PTPRD: variants seen among roughly 807,000 people sequenced by gnomAD.
PTPRD encodes protein tyrosine phosphatase receptor type D.
A neutral mutation model predicts 214.5 loss-of-function variants in PTPRD; 34 were observed. That is an observed-to-expected ratio of 0.16 (90% CI 0.12 to 0.21). The LOEUF is 0.21. Among genes scored for constraint, PTPRD ranks in the 10% least tolerant of loss-of-function variants. PTPRD has a pLI of 1.00. For missense variants in PTPRD, 2,545 were observed against 2,398.7 expected (o/e 1.06, Z -1.27); for synonymous variants, 1,128 against 845.7 (o/e 1.33, Z -5.79).
chr9:9,281,838 AC>A (rs199670239), intron 9 of PTPRD, among the ~76,000 whole-genome samples: 1 of 151,120 alleles, frequency 6.6e-6, no homozygotes, highest in Admixed American at 6.6e-5. Flanking sequence ...CAAAAAAAAA[AC>A]TTGAAAGCAA....
intron 34 of PTPRD, 40 bp downstream of exon 34, chr9:8,449,685 G>C (rs766939506): frequency 6.3e-7 from 1 of 1,577,806 alleles, no homozygotes; most frequent in East Asian, 2.2e-5. Flanking sequence ...ACAACTTCTG[G>C]GAAAGACTGT....
chr9:8,460,693 T>A, intron 32 of PTPRD, 122 bp from the exon 33 acceptor site: 2 of 946,074 alleles, frequency 2.1e-6, no homozygotes, highest in Non-Finnish European at 3.1e-6. Flanking sequence ...TGTGATGCAA[T>A]ATTAGCAAAA....
At chr9:10,416,708 C>T (rs149650907) in intron 2 of PTPRD, among the ~76,000 whole-genome samples, 80 of 151,320 alleles carry the variant, frequency 5.3e-4, no homozygotes, top group African/African-American at 1.4e-3. Flanking sequence ...TATCTAGTAC[C>T]GTAATAGAGA....
chr9:9,591,496 C>T (rs1183359189), intron 7 of PTPRD, among the ~76,000 whole-genome samples: 1 of 152,028 alleles, frequency 6.6e-6, no homozygotes, highest in African/African-American at 2.4e-5. Context: ...AGTTGAGCTG[C>T]ACTGCATCTG....
At chr9:9,736,226 T>C (rs1443584286) in intron 6 of PTPRD, among the ~76,000 whole-genome samples, 1 of 152,110 alleles carries the variant, frequency 6.6e-6, no homozygotes, top group Non-Finnish European at 1.5e-5. Flanking sequence ...AGTATCTGGA[T>C]TTTTTGTCCA....
chr9:10,331,967 A>G (rs749634), intron 3 of PTPRD, among the ~76,000 whole-genome samples: 4,436 of 151,958 alleles, frequency 0.029, 288 homozygotes, highest in Admixed American at 0.16. Context: ...AGAAGGATAT[A>G]TCGAATCACA....
At chr9:9,924,249 T>C in intron 5 of PTPRD, among the ~76,000 whole-genome samples, 1 of 152,114 alleles carries the variant, frequency 6.6e-6, no homozygotes, top group Non-Finnish European at 1.5e-5. Context: ...TTAAAGTTGA[T>C]AAATCAAGAT....
chr9:10,537,500 A>G (rs947444999), intron 2 of PTPRD, among the ~76,000 whole-genome samples: 10 of 152,146 alleles, frequency 6.6e-5, no homozygotes, highest in African/African-American at 2.4e-4. Flanking sequence ...CATAAACTAA[A>G]AATTGTCAAA....
chr9:8,996,645 C>T (rs1031973039), intron 11 of PTPRD, among the ~76,000 whole-genome samples: 1 of 152,040 alleles, frequency 6.6e-6, no homozygotes, highest in African/African-American at 2.4e-5. Context: ...CTGGTGAGGG[C>T]CTGTTCCTCT....
intron 7 of PTPRD, among the ~76,000 whole-genome samples, chr9:9,617,711 G>C (rs564985399): frequency 2.0e-4 from 30 of 152,224 alleles, no homozygotes; most frequent in African/African-American, 7.2e-4. Context: ...TAAGAGATTA[G>C]GATGGTGAGG....
At chr9:9,215,938 G>A (rs2099951904) in intron 9 of PTPRD, among the ~76,000 whole-genome samples, 1 of 152,114 alleles carries the variant, frequency 6.6e-6, no homozygotes, top group Non-Finnish European at 1.5e-5. Context: ...TAGATGAGGG[G>A]CAAGAAATAC....
chr9:10,059,996 G>A (rs2097727924), intron 3 of PTPRD, among the ~76,000 whole-genome samples: 1 of 151,974 alleles, frequency 6.6e-6, no homozygotes, highest in African/African-American at 2.4e-5. Context: ...TAATATTAGT[G>A]TTGACTATCA....
rs59278964 is a variant in PTPRD at position 8,546,648 on chromosome 9, G to A, written c.353-17869C>T. Among the ~76,000 whole-genome samples, 695 of 152,054 alleles carry A rather than the reference G, an allele frequency of 4.6e-3. 6 individuals carry two copies. The highest frequency in any genetic ancestry group is 0.016 in the African/African-American group (653 of 41,478). ...CCAGTAGATGGGATTACAGGCGTGC[G>A]CCACCATGCCTCGCTACTTTTTTGT... On this transcript the variant is annotated intron_variant, in intron 14 of 45. Transcript: ENST00000381196.
At chr9:9,389,963 C>G (rs10816113) in intron 9 of PTPRD, among the ~76,000 whole-genome samples, 40,315 of 151,990 alleles carry the variant, frequency 0.27, 5,481 homozygotes, top group Middle Eastern at 0.3. Flanking sequence ...GCTCTGGAGG[C>G]AATGGAAAAT....
At chr9:9,950,255 A>T (rs539603190) in intron 4 of PTPRD, among the ~76,000 whole-genome samples, 2 of 152,272 alleles carry the variant, frequency 1.3e-5, no homozygotes, top group African/African-American at 4.8e-5. Context: ...TGACATCCAG[A>T]TGGGGATGCT....
At chr9:9,006,911 T>C (rs2099473114) in intron 11 of PTPRD, among the ~76,000 whole-genome samples, 1 of 152,044 alleles carries the variant, frequency 6.6e-6, no homozygotes, top group Non-Finnish European at 1.5e-5. Flanking sequence ...TACAGCTAGA[T>C]AAATGTAGAC....
At chr9:10,549,643 C>G (rs1011916543) in intron 2 of PTPRD, among the ~76,000 whole-genome samples, 2 of 152,116 alleles carry the variant, frequency 1.3e-5, no homozygotes, top group African/African-American at 4.8e-5. Flanking sequence ...TGTATATCCA[C>G]TCCAGAAGAT....
intron 11 of PTPRD, among the ~76,000 whole-genome samples, chr9:8,898,679 C>T (rs2098640468): frequency 6.6e-6 from 1 of 152,026 alleles, no homozygotes; most frequent in Admixed American, 6.6e-5. Context: ...GATCTCAATG[C>T]AACTTTTTTC....
intron 4 of PTPRD, among the ~76,000 whole-genome samples, chr9:9,950,981 G>A (rs1264356742): frequency 1.3e-5 from 2 of 151,988 alleles, no homozygotes; most frequent in African/African-American, 4.8e-5. Context: ...ATAGAATTTG[G>A]GGGCTGGATT....
Sources: gnomAD v4.1 joint callset for allele counts (sites outside exome capture counted in the v4.1 genomes callset) on GRCh38, gnomAD v4.1.1 for gene constraint, MANE v1.5 for transcripts, NCBI Gene and HGNC (gene_info 2026-07-23, HGNC 2026-07-21) for gene names.